Variants in UNC13B observed in about 807,000 individuals in gnomAD.
UNC13B encodes the protein unc-13 homolog B.
UNC13B carries 144 observed loss-of-function variants against 211.0 expected under a neutral mutation model. That is an observed-to-expected ratio of 0.68 (90% CI 0.60 to 0.78). The LOEUF (loss-of-function observed/expected upper bound fraction) is 0.78. Among genes scored for constraint, UNC13B ranks in the 30% least tolerant of loss-of-function variants. The pLI, the probability that UNC13B is intolerant of heterozygous loss-of-function variation, is 0.00. For synonymous variants in UNC13B, 709 were observed against 725.8 expected (o/e 0.98, Z 0.37); for missense variants, 1,777 against 2,002.0 (o/e 0.89, Z 2.14).
chr9:35,349,676 T>C (rs1234382240), intron 11 of UNC13B, among the ~76,000 whole-genome samples: 1 of 152,152 alleles, frequency 6.6e-6, no homozygotes, highest in Non-Finnish European at 1.5e-5. Flanking sequence ...AAAGGAGAGA[T>C]GTGAAATGGG....
chr9:35,355,599 G>T (rs1462547982), intron 11 of UNC13B, among the ~76,000 whole-genome samples: 1 of 152,130 alleles, frequency 6.6e-6, no homozygotes, highest in Non-Finnish European at 1.5e-5. Flanking sequence ...AATTTGCCTT[G>T]CACTTTCTAT....
intron 11 of UNC13B, among the ~76,000 whole-genome samples, chr9:35,347,106 C>T (rs1399274818): frequency 1.3e-5 from 2 of 152,032 alleles, no homozygotes; most frequent in Admixed American, 6.6e-5. Context: ...CCCTACCTTG[C>T]CCATACTGGT....
intron 11 of UNC13B, among the ~76,000 whole-genome samples, chr9:35,318,203 T>C (rs1442647656): frequency 6.6e-6 from 1 of 152,148 alleles, no homozygotes; most frequent in Non-Finnish European, 1.5e-5. Context: ...ACAGGTAAAG[T>C]AACTGGCAAC....
chr9:35,324,021 C>T (rs1004899111), intron 11 of UNC13B, among the ~76,000 whole-genome samples: 5 of 152,068 alleles, frequency 3.3e-5, no homozygotes. Flanking sequence ...CATGCATTAC[C>T]TAATGAATTC....
At chr9:35,210,529 AT>A (rs5897596) in intron 1 of UNC13B, among the ~76,000 whole-genome samples, 1 of 148,392 alleles carries the variant, frequency 6.7e-6, no homozygotes, top group African/African-American at 2.5e-5. Context: ...TAATAAACTT[AT>A]TTTTTTTTTT....
chr9:35,359,436 A>G (rs1833248776), intron 11 of UNC13B, among the ~76,000 whole-genome samples: 1 of 152,174 alleles, frequency 6.6e-6, no homozygotes, highest in African/African-American at 2.4e-5. Context: ...TCCCAGGTTT[A>G]TATCTCCAAC....
At chr9:35,385,630 T>A in intron 22 of UNC13B, 94 bp from the exon 23 acceptor site, 1 of 1,464,658 alleles carries the variant, frequency 6.8e-7, no homozygotes, top group Non-Finnish European at 9.1e-7. Flanking sequence ...ACCCAGTAGG[T>A]AACAATTAGG....
At chr9:35,345,920 T>C (rs1315446967) in intron 11 of UNC13B, among the ~76,000 whole-genome samples, 1 of 152,198 alleles carries the variant, frequency 6.6e-6, no homozygotes, top group Non-Finnish European at 1.5e-5. Flanking sequence ...GCTTGAAGTT[T>C]TCTTTCCCTT....
chr9:35,367,575 G>A (rs1162162208), intron 12 of UNC13B, among the ~76,000 whole-genome samples: 1 of 152,116 alleles, frequency 6.6e-6, no homozygotes, highest in Non-Finnish European at 1.5e-5. Flanking sequence ...TCACCCTGCT[G>A]TGCTATCAAT....
intron 1 of UNC13B, among the ~76,000 whole-genome samples, chr9:35,207,096 A>G (rs977355855): frequency 6.6e-6 from 1 of 152,152 alleles, no homozygotes. Flanking sequence ...CCAGCAGTAT[A>G]TGATGGTTCC....
chr9:35,207,431 T>TA (rs960350813), intron 1 of UNC13B, among the ~76,000 whole-genome samples: 18 of 150,846 alleles, frequency 1.2e-4, no homozygotes, highest in Non-Finnish European at 2.1e-4. Flanking sequence ...CTTGGCTAAT[T>TA]AAAAAAAAAT....
chr9:35,338,929 C>T (rs1831821840), intron 11 of UNC13B, among the ~76,000 whole-genome samples: 1 of 152,190 alleles, frequency 6.6e-6, no homozygotes, highest in South Asian at 2.1e-4. Context: ...GTGAGGCCCT[C>T]CTCCAGTATT....
intron 2 of UNC13B, among the ~76,000 whole-genome samples, chr9:35,230,607 G>T (rs1233313885): frequency 1.3e-5 from 2 of 151,662 alleles, no homozygotes; most frequent in African/African-American, 4.8e-5. Flanking sequence ...GCTCAGCTCT[G>T]CAGTTCTTTA....
chr9:35,214,997 G>A lies in UNC13B; in HGVS notation c.23-13018G>A, dbSNP rs373910532. Among the ~76,000 whole-genome samples the A allele has an allele frequency of 7.6e-4, 116 of 152,284 alleles. 2 individuals are homozygous for A. In the South Asian group the frequency reaches 0.019, roughly 25 times the overall value. Reference sequence around the variant, plus strand: ...CATTTAGTAAGTATTTGTTGAATAAGTGAAAAATTGAACAGTCTCTCACAG... The same window carrying A: ...CATTTAGTAAGTATTTGTTGAATAAATGAAAAATTGAACAGTCTCTCACAG... On this transcript the variant is annotated intron_variant, in intron 1 of 39. Coordinates refer to ENST00000635942, the MANE Select transcript of UNC13B (RefSeq NM_001371189.2).
At chr9:35,199,583 C>G (rs1823157711) in intron 1 of UNC13B, among the ~76,000 whole-genome samples, 4 of 152,296 alleles carry the variant, frequency 2.6e-5, no homozygotes, top group Admixed American at 2.0e-4. Context: ...TTGCATTTCT[C>G]TGATGGCCAG....
intron 9 of UNC13B, among the ~76,000 whole-genome samples, chr9:35,309,702 T>C (rs1830093136): frequency 6.6e-6 from 1 of 152,224 alleles, no homozygotes; most frequent in Non-Finnish European, 1.5e-5. Context: ...GATGCATGAA[T>C]ACGGCTCTGA....
chr9:35,403,404 G>A (rs746030650), intron 38 of UNC13B, 36 bp from the exon 39 acceptor site: 3 of 1,610,460 alleles, frequency 1.9e-6, no homozygotes, highest in East Asian at 4.5e-5. Flanking sequence ...GGGAAATCCT[G>A]GTGGGATCCC....
chr9:35,199,879 C>T (rs1482779512), intron 1 of UNC13B, among the ~76,000 whole-genome samples: 7 of 151,884 alleles, frequency 4.6e-5, no homozygotes, highest in Admixed American at 6.6e-5. Flanking sequence ...CTTTTGTTGC[C>T]ATTGCTTTTG....
chr9:35,232,176 G>GTTTTTTTTTTTTTTTTTTTT (rs1564081816), intron 3 of UNC13B, among the ~76,000 whole-genome samples: 1 of 16,978 alleles, frequency 5.9e-5, no homozygotes, highest in Non-Finnish European at 1.3e-4. Context: ...GTATATTGCT[G>GTTTTTTTTTTTTTTTTTTTT]CTTTTTTTTT....
Sources: gnomAD v4.1 joint callset for allele counts (sites outside exome capture counted in the v4.1 genomes callset) on GRCh38, gnomAD v4.1.1 for gene constraint, MANE v1.5 for transcripts, NCBI Gene and HGNC (gene_info 2026-07-23, HGNC 2026-07-21) for gene names.